FOXP2: variants seen among roughly 807,000 people sequenced by gnomAD.
The protein encoded by FOXP2 is forkhead box protein P2.
In FOXP2, 12 loss-of-function variants were observed where a neutral mutation model predicts 115.8. That is an observed-to-expected ratio of 0.10 (90% CI 0.07 to 0.17). The LOEUF (loss-of-function observed/expected upper bound fraction) is 0.17, where lower values mean the gene tolerates loss of function less well. Ranked by LOEUF, FOXP2 falls within the 10% of genes least tolerant of loss-of-function variation. FOXP2 has a pLI of 1.00. For synonymous variants in FOXP2, 328 were observed against 297.7 expected (o/e 1.10, Z -1.05); for missense variants, 629 against 843.5 (o/e 0.75, Z 3.15).
intron 2 of FOXP2, among the ~76,000 whole-genome samples, chr7:114,408,360 A>G (rs942012607): frequency 6.6e-6 from 1 of 152,184 alleles, no homozygotes; most frequent in Non-Finnish European, 1.5e-5. Flanking sequence ...ATAAAACATG[A>G]CAATATCCAA....
chr7:114,405,318 A>T (rs920050284), intron 2 of FOXP2, among the ~76,000 whole-genome samples: 2 of 151,898 alleles, frequency 1.3e-5, no homozygotes, highest in African/African-American at 4.8e-5. Context: ...CACTTAAACG[A>T]TTTCACACTG....
chr7:114,693,392 G>A lies in FOXP2; in HGVS notation c.*3466G>A, dbSNP rs544350916. On this transcript the variant is annotated 3_prime_UTR_variant, in exon 17 of 17. Transcript: ENST00000350908. The stretch of plus-strand genomic sequence containing the variant: ...TTAATGTCCCTGGGCAGATTCAGTC[G>A]CAAAATCCAATATGATATTTTGTAA... 7.9e-4 allele frequency: 359 copies of A among 453,690 alleles called. No homozygotes were observed. The highest frequency in any genetic ancestry group is 1.4e-3 in the Non-Finnish European group (317 of 226,582). 28.1% of individuals were successfully genotyped at this position (453,690 alleles called of 1,614,324 possible). A position where few individuals can be genotyped will look rare whatever the true frequency, so the allele number is the denominator to read the frequency against.
At chr7:114,416,656 C>A (rs1027221611) in intron 1 of FOXP2, among the ~76,000 whole-genome samples, 2 of 151,744 alleles carry the variant, frequency 1.3e-5, no homozygotes, top group Middle Eastern at 3.4e-3. Flanking sequence ...GACTTTAAAT[C>A]TGATTATCTA....
chr7:114,652,183 T>G lies in FOXP2; in HGVS notation c.1095-20T>G, dbSNP rs755207590. The G allele has an allele frequency of 1.2e-6, 2 of 1,611,092 alleles. No homozygotes were observed. Among genetic ancestry groups the G allele is most frequent in the African/African-American group, 2.7e-5 (2 of 74,820 alleles). On this transcript the variant is annotated intron_variant, in intron 8 of 16. Transcript: ENST00000350908. The stretch of plus-strand genomic sequence containing the variant: ...ATCGACATCACTTTACATTCTGTTT[T>G]GTGTCTTCTGTTTGTTTAGGCACCT...
intron 6 of FOXP2, among the ~76,000 whole-genome samples, chr7:114,641,793 T>G (rs1805546057): frequency 6.6e-6 from 1 of 151,754 alleles, no homozygotes; most frequent in South Asian, 2.1e-4. Flanking sequence ...ATTTATTTAT[T>G]TATTTTTATT....
chr7:114,313,012 C>T (rs1394289036), intron 2 of FOXP2, among the ~76,000 whole-genome samples: 1 of 152,190 alleles, frequency 6.6e-6, no homozygotes, highest in African/African-American at 2.4e-5. Flanking sequence ...CATCTTGTCT[C>T]TCAGAGTATT....
intron 2 of FOXP2, among the ~76,000 whole-genome samples, chr7:114,316,486 A>G (rs1584630945): frequency 1.3e-5 from 2 of 152,318 alleles, no homozygotes; most frequent in East Asian, 3.9e-4. Flanking sequence ...GTAAAAGTGA[A>G]TAATATGCTA....
At chr7:114,249,007 T>C (rs1795361648) in intron 1 of FOXP2, among the ~76,000 whole-genome samples, 1 of 152,204 alleles carries the variant, frequency 6.6e-6, no homozygotes, top group Non-Finnish European at 1.5e-5. Context: ...CCAGATATTC[T>C]TTTTGGCATA....
At chr7:114,625,392 T>C (rs1274409289) in intron 3 of FOXP2, among the ~76,000 whole-genome samples, 1 of 151,774 alleles carries the variant, frequency 6.6e-6, no homozygotes, top group Admixed American at 6.6e-5. Context: ...TCAAATTACA[T>C]ATCTAGCGAA....
chr7:114,627,053 T>C (rs1804629622), intron 3 of FOXP2, among the ~76,000 whole-genome samples: 1 of 151,884 alleles, frequency 6.6e-6, no homozygotes, highest in African/African-American at 2.4e-5. Flanking sequence ...AGAAAAGACA[T>C]TGCTATTTTT....
chr7:114,584,815 G>T (rs1206306870), intron 3 of FOXP2, among the ~76,000 whole-genome samples: 1 of 152,112 alleles, frequency 6.6e-6, no homozygotes, highest in Admixed American at 6.6e-5. Flanking sequence ...GTATGGATTG[G>T]AAAGTTCCTC....
rs1032134955 is a variant in FOXP2 at position 114,691,756 on chromosome 7, C to T, written c.*1830C>T. 4.4e-6 allele frequency: 2 copies of T among 453,540 alleles called. No individual in the cohort carries two copies. Among genetic ancestry groups the T allele is most frequent in the Admixed American group, 4.7e-5 (2 of 42,450 alleles). The allele number at this position is 453,540 out of a possible 1,614,324, so 28.1% of individuals were successfully genotyped here. On this transcript the variant is annotated 3_prime_UTR_variant, in exon 17 of 17. Coordinates refer to ENST00000350908, the MANE Select transcript of FOXP2 (RefSeq NM_014491.4). ...TAGAGCTTAACATACGTTCCCGTTC[C>T]ATGTGATGGAACCGGTTCTTGCAAA... is the stretch of plus-strand genomic sequence containing the variant.
At chr7:114,541,602 G>C (rs941703167) in intron 3 of FOXP2, among the ~76,000 whole-genome samples, 1 of 151,874 alleles carries the variant, frequency 6.6e-6, no homozygotes, top group African/African-American at 2.4e-5. Context: ...AATGAATAGA[G>C]AAAAATCATA....
chr7:114,336,770 C>T (rs888812504), intron 2 of FOXP2, among the ~76,000 whole-genome samples: 6 of 151,420 alleles, frequency 4.0e-5, no homozygotes, highest in African/African-American at 1.5e-4. Context: ...CTACAATAAT[C>T]TGTTCATTTG....
At chr7:114,453,249 T>C (rs1255118745) in intron 2 of FOXP2, among the ~76,000 whole-genome samples, 3 of 152,132 alleles carry the variant, frequency 2.0e-5, no homozygotes, top group Non-Finnish European at 2.9e-5. Flanking sequence ...TGTCAAAAAC[T>C]AGTCAGTAAC....
In FOXP2 at chr7:114,347,262, A is replaced by T. The variant is rs971194122; in HGVS notation, c.-11+59153A>T. On this transcript the variant is annotated intron_variant, in intron 2 of 17. Transcript: ENST00000634411. ...GTGTTTCAGGGGCTTCCTTTGAAGG[A>T]TAAGGTACATGTATGTATGTATGTA... 7.9e-5 allele frequency among the ~76,000 whole-genome samples: 12 copies of T among 152,072 alleles called. No individual in the cohort carries two copies. The East Asian group carries it at 2.3e-3, about 29-fold the overall frequency.
chr7:114,376,539 C>G (rs988288863), intron 2 of FOXP2, among the ~76,000 whole-genome samples: 1 of 152,174 alleles, frequency 6.6e-6, no homozygotes, highest in Non-Finnish European at 1.5e-5. Flanking sequence ...GTTCTGGACT[C>G]TAAATGTATA....
chr7:114,611,949 A>G (rs1354673703), intron 3 of FOXP2, among the ~76,000 whole-genome samples: 1 of 152,166 alleles, frequency 6.6e-6, no homozygotes, highest in Admixed American at 6.5e-5. Context: ...GTAAAAAAGA[A>G]ATGACAAATG....
At position 114,693,307 on chromosome 7, in the gene FOXP2, G is replaced by C. The variant is rs940742479; in HGVS notation, c.*3381G>C. On this transcript the variant is annotated 3_prime_UTR_variant, in exon 17 of 17. Coordinates refer to ENST00000350908, the MANE Select transcript of FOXP2 (RefSeq NM_014491.4). ...TGCATTTCTTTGTGATTAGGGAATC[G>C]AAGAATAGTCAGCTAGGAATAGAGC... is the stretch of plus-strand genomic sequence containing the variant. The C allele has an allele frequency of 6.6e-6, 3 of 452,852 alleles. No homozygotes were observed. Among genetic ancestry groups the C allele is most frequent in the Admixed American group, 2.4e-5 (1 of 42,426 alleles). The allele number at this position is 452,852 out of a possible 1,614,324, so 28.1% of individuals were successfully genotyped here.
Sources: allele counts gnomAD v4.1 joint callset (sites outside exome capture counted in the v4.1 genomes callset), GRCh38; gene constraint gnomAD v4.1.1; transcripts MANE v1.5; gene names NCBI Gene and HGNC (gene_info 2026-07-23, HGNC 2026-07-21).